The following SRL variants were observed in gnomAD, a reference collection of about 807,000 sequenced individuals.
The protein encoded by SRL is sarcalumenin.
SRL carries 23 observed loss-of-function variants against 39.5 expected under a neutral mutation model. That is an observed-to-expected ratio of 0.58 (90% confidence interval 0.42 to 0.82). SRL has a LOEUF of 0.82. Among genes scored for constraint, SRL ranks in the 40% least tolerant of loss-of-function variants. The pLI, the probability that SRL is intolerant of heterozygous loss-of-function variation, is 0.00. For synonymous variants in SRL, 272 were observed against 237.4 expected, an observed-to-expected ratio of 1.15 and a Z score of -1.34; for missense variants, 592 against 607.8, an observed-to-expected ratio of 0.97 and a Z score of 0.27.
At chr16:4,215,610 A>G (rs1275994523) in intron 1 of SRL, among the ~76,000 whole-genome samples, 2 of 152,182 alleles carry the variant, frequency 1.3e-5, no homozygotes, top group Non-Finnish European at 2.9e-5. Context: ...CTCTCCCAGC[A>G]GTGGGCCAGC....
At chr16:4,206,465 G>C (rs1045100208) in intron 1 of SRL, among the ~76,000 whole-genome samples, 4 of 152,136 alleles carry the variant, frequency 2.6e-5, no homozygotes, top group Non-Finnish European at 5.9e-5. Context: ...CATGGGCTAC[G>C]GCGCATCAGG....
At chr16:4,224,581 C>T (rs956129289) in intron 1 of SRL, among the ~76,000 whole-genome samples, 1 of 152,024 alleles carries the variant, frequency 6.6e-6, no homozygotes, top group Non-Finnish European at 1.5e-5. Context: ...TGTGATGGCT[C>T]ACACCTGTGG....
intron 2 of SRL, among the ~76,000 whole-genome samples, chr16:4,203,751 TCTCGGCCTGCTGC>T (rs1459928051): frequency 5.2e-4 from 79 of 152,292 alleles, no homozygotes; most frequent in African/African-American, 1.9e-3. Flanking sequence ...TGAAACCTTG[TCTCGGCCTGCTGC>T]CTCACTGCAA....
At chr16:4,207,028 C>G (rs1309267101) in intron 1 of SRL, 4 of 453,214 alleles carry the variant, frequency 8.8e-6, no homozygotes, top group African/African-American at 2.0e-5. Flanking sequence ...TCCCCGCCTT[C>G]CTGGGACTCC....
intron 1 of SRL, among the ~76,000 whole-genome samples, chr16:4,227,232 G>A (rs1434219772): frequency 6.6e-6 from 1 of 151,438 alleles, no homozygotes; most frequent in East Asian, 1.9e-4. Context: ...GTGGATGGGT[G>A]GGTGGATGGA....
intron 1 of SRL, among the ~76,000 whole-genome samples, chr16:4,235,423 C>T (rs1444334633): frequency 6.6e-6 from 1 of 152,234 alleles, no homozygotes; most frequent in Non-Finnish European, 1.5e-5. Context: ...CAGCTGCGTG[C>T]AGTGGCTCAC....
intron 4 of SRL, among the ~76,000 whole-genome samples, chr16:4,197,083 T>TTGTG (rs1555453610): frequency 0.04 from 2,802 of 69,428 alleles, 198 homozygotes; most frequent in Middle Eastern, 0.064. Flanking sequence ...TTTTTTTTTT[T>TTGTG]TGTGAGACAG....
At chr16:4,206,446 A>T (rs564770634) in intron 1 of SRL, among the ~76,000 whole-genome samples, 1 of 152,204 alleles carries the variant, frequency 6.6e-6, no homozygotes, top group African/African-American at 2.4e-5. Context: ...CTTTAGGCTG[A>T]GGCACTGGCA....
intron 1 of SRL, among the ~76,000 whole-genome samples, chr16:4,233,245 C>A (rs2052677959): frequency 6.6e-6 from 1 of 152,232 alleles, no homozygotes; most frequent in African/African-American, 2.4e-5. Context: ...CTAGTCTCAT[C>A]CTGTCCCTGG....
chr16:4,239,889 T>G (rs1012066396), intron 1 of SRL: 2 of 152,230 alleles, frequency 1.3e-5, no homozygotes, highest in Non-Finnish European at 2.9e-5. Context: ...GAGGGCCCAG[T>G]GGGTGGTACA....
intron 1 of SRL, chr16:4,207,641 T>C: frequency 2.3e-6 from 1 of 437,926 alleles, no homozygotes; most frequent in Non-Finnish European, 4.6e-6. Flanking sequence ...CCCCAGCCTG[T>C]CCTCCTGCCT....
intron 3 of SRL, among the ~76,000 whole-genome samples, chr16:4,200,318 G>T (rs905450511): frequency 2.6e-5 from 4 of 152,180 alleles, no homozygotes; most frequent in Admixed American, 6.5e-5. Context: ...CGGCCCAGGC[G>T]ACACCAAGGA....
chr16:4,201,639 TTG>T (rs139582425), intron 3 of SRL, among the ~76,000 whole-genome samples: 1,635 of 15,686 alleles, frequency 0.1, 173 homozygotes, highest in South Asian at 0.35. Flanking sequence ...TGTGTGTGTT[TTG>T]TTTGTTTGTT....
At chr16:4,198,504 A>G (rs1193054661) in intron 3 of SRL, among the ~76,000 whole-genome samples, 1 of 152,110 alleles carries the variant, frequency 6.6e-6, no homozygotes, top group Non-Finnish European at 1.5e-5. Flanking sequence ...GCTGAAATGC[A>G]GTGGTGCAAT....
chr16:4,225,398 C>T (rs1045047408), intron 1 of SRL, among the ~76,000 whole-genome samples: 3 of 151,852 alleles, frequency 2.0e-5, no homozygotes, highest in African/African-American at 7.3e-5. Flanking sequence ...GCCTGGGAAA[C>T]ATAGGGAGAC....
intron 1 of SRL, among the ~76,000 whole-genome samples, chr16:4,223,650 G>T (rs1195363647): frequency 6.6e-6 from 1 of 151,934 alleles, no homozygotes; most frequent in African/African-American, 2.4e-5. Context: ...CCTCCCATAG[G>T]GCTGAGATTA....
chr16:4,241,207 G>C (rs1281869207), intron 1 of SRL, among the ~76,000 whole-genome samples: 1 of 152,046 alleles, frequency 6.6e-6, no homozygotes, highest in African/African-American at 2.4e-5. Flanking sequence ...GCATTCCCTC[G>C]GGGAACCTGG....
rs555999418 is a variant in SRL at position 4,210,486 on chromosome 16, C to CTTTTTTTTTTTT, written c.62-5864_62-5853dup. Among the ~76,000 whole-genome samples the CTTTTTTTTTTTT allele has an allele frequency of 3.4e-4, 35 of 103,994 alleles. 2 individuals carry two copies. Among genetic ancestry groups the CTTTTTTTTTTTT allele is most frequent in the Non-Finnish European group, 3.8e-4 (21 of 55,942 alleles). 68.2% of individuals were successfully genotyped at this position (103,994 alleles called of 152,430 possible). The stretch of plus-strand genomic sequence containing the variant: ...TTGGTAAAATGAGTATTACTCATAT[C>CTTTTTTTTTTTT]TTTTTTTTTTTTTTTTTTTTTGAGA... On this transcript the variant is annotated intron_variant, in intron 1 of 5. Coordinates refer to ENST00000399609, the MANE Select transcript of SRL (RefSeq NM_001098814.2).
intron 1 of SRL, among the ~76,000 whole-genome samples, chr16:4,215,573 C>T (rs796296728): frequency 1.1e-4 from 16 of 152,306 alleles, no homozygotes; most frequent in African/African-American, 3.8e-4. Context: ...CAGCAGTCTG[C>T]TTCTAGAACT....
Sources: gnomAD v4.1 joint callset for allele counts (sites outside exome capture counted in the v4.1 genomes callset) on GRCh38, gnomAD v4.1.1 for gene constraint, MANE v1.5 for transcripts, NCBI Gene and HGNC (gene_info 2026-07-23, HGNC 2026-07-21) for gene names.